The following PLPP4 variants were observed in gnomAD, a reference collection of about 807,000 sequenced individuals.
PLPP4 encodes the protein phospholipid phosphatase 4.
PLPP4 carries 20 observed loss-of-function variants against 32.2 expected under a neutral mutation model. That is an observed-to-expected ratio of 0.62 (90% confidence interval 0.44 to 0.90). The LOEUF (loss-of-function observed/expected upper bound fraction) is 0.90, where lower values mean the gene tolerates loss of function less well. Among genes scored for constraint, PLPP4 ranks in the 40% least tolerant of loss-of-function variants. PLPP4 has a pLI of 0.00. For synonymous variants in PLPP4, 127 were observed against 133.0 expected, an observed-to-expected ratio of 0.95 and a Z score of 0.31; for missense variants, 257 against 353.1, an observed-to-expected ratio of 0.73 and a Z score of 2.18.
At chr10:120,511,810 C>T (rs577167659) in intron 2 of PLPP4, among the ~76,000 whole-genome samples, 18 of 152,206 alleles carry the variant, frequency 1.2e-4, no homozygotes, top group African/African-American at 2.4e-4. Flanking sequence ...TGTACATTTC[C>T]GGGCCAGGTG....
At chr10:120,505,776 A>G (rs1484799026) in intron 2 of PLPP4, among the ~76,000 whole-genome samples, 1 of 152,180 alleles carries the variant, frequency 6.6e-6, no homozygotes, top group Non-Finnish European at 1.5e-5. Context: ...GCCTTTTTTC[A>G]TTTCTGCTGT....
intron 5 of PLPP4, among the ~76,000 whole-genome samples, chr10:120,538,046 C>CTGTGTGTGTGTG (rs1564825161): frequency 8.1e-5 from 2 of 24,706 alleles, no homozygotes; most frequent in Admixed American, 5.5e-4. Context: ...CTCTCTCTCT[C>CTGTGTGTGTGTG]TCTCTCTGTG....
At chr10:120,525,343 T>C (rs1846342308) in intron 5 of PLPP4, among the ~76,000 whole-genome samples, 1 of 152,230 alleles carries the variant, frequency 6.6e-6, no homozygotes, top group Non-Finnish European at 1.5e-5. Context: ...ATGTTTCAAT[T>C]TTAAACATTT....
intron 1 of PLPP4, among the ~76,000 whole-genome samples, chr10:120,463,241 T>C (rs1848152663): frequency 6.6e-6 from 1 of 152,122 alleles, no homozygotes; most frequent in Non-Finnish European, 1.5e-5. Context: ...TTAGCCAGGA[T>C]GGTCTCGATC....
At chr10:120,572,471 A>G (rs1004765126) in intron 5 of PLPP4, among the ~76,000 whole-genome samples, 9 of 152,152 alleles carry the variant, frequency 5.9e-5, no homozygotes, top group African/African-American at 9.7e-5. Context: ...CAGCTGCCCT[A>G]TGTTCATTGA....
chr10:120,570,444 T>A lies in PLPP4; in HGVS notation c.446-4687T>A, dbSNP rs1390471079. Among the ~76,000 whole-genome samples, 4 of 152,156 alleles carry A rather than the reference T, an allele frequency of 2.6e-5. No individual in the cohort carries two copies. The East Asian group carries it at 7.7e-4, about 29-fold the overall frequency. ...TGACTCATCAGAGCACAATTGTGTG[T>A]TCAGTGCCAGAAATTATCAGCTTGT... On this transcript the variant is annotated intron_variant, in intron 5 of 6. Transcript: ENST00000398250.
chr10:120,476,692 A>G (rs767170434), intron 1 of PLPP4, among the ~76,000 whole-genome samples: 27 of 152,192 alleles, frequency 1.8e-4, no homozygotes, highest in Non-Finnish European at 3.5e-4. Flanking sequence ...GTGTGGGACT[A>G]AATGCTGCCT....
At chr10:120,503,681 C>G (rs984897189) in intron 1 of PLPP4, 137 bp from the exon 2 acceptor site, 3 of 1,590,296 alleles carry the variant, frequency 1.9e-6, no homozygotes, top group Non-Finnish European at 2.6e-6. Context: ...TGAGAACTGA[C>G]AGCAGGGCCT....
intron 5 of PLPP4, among the ~76,000 whole-genome samples, chr10:120,553,637 G>C (rs2133992208): frequency 6.6e-6 from 1 of 152,350 alleles, no homozygotes; most frequent in African/African-American, 2.4e-5. Context: ...TCTTGAGAAA[G>C]AGGCAGGAGG....
chr10:120,461,378 T>G (rs539794811), intron 1 of PLPP4, among the ~76,000 whole-genome samples: 1 of 152,310 alleles, frequency 6.6e-6, no homozygotes, highest in African/African-American at 2.4e-5. Flanking sequence ...ATGATGACGA[T>G]CTCATGTGCT....
intron 5 of PLPP4, among the ~76,000 whole-genome samples, chr10:120,531,872 C>CA (rs1564820877): frequency 0.021 from 938 of 45,470 alleles, 9 homozygotes; most frequent in African/African-American, 0.049. Flanking sequence ...ACTACACACA[C>CA]TACACACACA....
At chr10:120,588,553 A>G (rs746832) in intron 6 of PLPP4, among the ~76,000 whole-genome samples, 80,133 of 152,068 alleles carry the variant, frequency 0.53, 21,763 homozygotes, top group Middle Eastern at 0.6. Context: ...AGACCCTGGC[A>G]TCTGCTGGCT....
At chr10:120,526,274 T>C (rs1176743046) in intron 5 of PLPP4, among the ~76,000 whole-genome samples, 3 of 152,188 alleles carry the variant, frequency 2.0e-5, no homozygotes, top group Non-Finnish European at 4.4e-5. Context: ...GCCGGTTTCA[T>C]GTGTGCCCTG....
At chr10:120,461,800 G>A (rs12258488) in intron 1 of PLPP4, among the ~76,000 whole-genome samples, 15,990 of 152,170 alleles carry the variant, frequency 0.11, 1,381 homozygotes, top group African/African-American at 0.24. Context: ...TCCACTTGAT[G>A]GATATTTGGC....
At chr10:120,518,060 ACT>A (rs1467482155) in intron 3 of PLPP4, among the ~76,000 whole-genome samples, 1 of 151,882 alleles carries the variant, frequency 6.6e-6, no homozygotes, top group African/African-American at 2.4e-5. Context: ...CCTTTTACGC[ACT>A]CTCGATAAAC....
intron 1 of PLPP4, among the ~76,000 whole-genome samples, chr10:120,479,622 A>G (rs1019407613): frequency 2.0e-5 from 3 of 152,212 alleles, no homozygotes; most frequent in African/African-American, 7.2e-5. Context: ...CCTTCCCACC[A>G]TTCCCCAGGA....
At chr10:120,510,125 A>G (rs1398622241) in intron 2 of PLPP4, among the ~76,000 whole-genome samples, 1 of 152,212 alleles carries the variant, frequency 6.6e-6, no homozygotes, top group South Asian at 2.1e-4. Context: ...TGGGGTGCCT[A>G]GAATAGACTA....
In PLPP4 at chr10:120,503,859, C is replaced by A. The variant is rs1172018483; in HGVS notation, c.98C>A (p.Pro33Gln). ...GATCCGTTCCAGAGAGTCATCCAGC[C>A]AGAAGAGATCTGGCTCTATAAAAAT... Reference protein sequence around the residue: ...FLDPFQRVIQPEEIWLYKNPL... With the variant: ...FLDPFQRVIQQEEIWLYKNPL... The change falls in exon 2 of 7, where the codon CCA (proline) becomes CAA (glutamine). Residue 33 changes from proline (P) to glutamine (Q), a missense_variant. Transcript: ENST00000398250. 1 of 1,614,002 alleles carries A rather than the reference C, an allele frequency of 6.2e-7. No individual in the cohort carries two copies. Among genetic ancestry groups the A allele is most frequent in the East Asian group, 2.2e-5 (1 of 44,874 alleles).
intron 5 of PLPP4, among the ~76,000 whole-genome samples, chr10:120,552,164 G>GT (rs1388397456): frequency 1.9e-4 from 23 of 118,086 alleles, no homozygotes; most frequent in South Asian, 3.2e-4. Context: ...AGTGGTGGTG[G>GT]GGTGTGTGTG....
Sources: gnomAD v4.1 joint callset for allele counts (sites outside exome capture counted in the v4.1 genomes callset) on GRCh38, gnomAD v4.1.1 for gene constraint, MANE v1.5 for transcripts, NCBI Gene and HGNC (gene_info 2026-07-23, HGNC 2026-07-21) for gene names.